MIDN: variants seen among roughly 807,000 people sequenced by gnomAD.
MIDN encodes midnolin.
Under a neutral mutation model 46.1 loss-of-function variants are expected in MIDN, and 26 were observed. The observed-to-expected ratio is 0.56, with a 90% CI of 0.41 to 0.78. The LOEUF is 0.78. MIDN is among the 30% of genes least tolerant of loss of function. MIDN has a pLI of 0.00. For synonymous variants in MIDN, 432 were observed against 343.3 expected (o/e 1.26, Z -2.86); for missense variants, 850 against 771.8 (o/e 1.10, Z -1.20).
At chr19:1,253,037 G>T (rs970791623) in intron 4 of MIDN, among the ~76,000 whole-genome samples, 7 of 146,542 alleles carry the variant, frequency 4.8e-5, no homozygotes, top group Non-Finnish European at 9.1e-5. Flanking sequence ...GCTGGGTTGG[G>T]GGGGGCTGGA....
chr19:1,250,975 T>A (rs2145485794), intron 2 of MIDN, among the ~76,000 whole-genome samples: 1 of 151,508 alleles, frequency 6.6e-6, no homozygotes, highest in South Asian at 2.1e-4. Context: ...CCCTGGTATT[T>A]AAATCGCCTG....
In MIDN at chr19:1,255,710, C is replaced by T. The variant is rs369475961; in HGVS notation, c.1258+16C>T. 2.5e-5 allele frequency: 39 copies of T among 1,545,824 alleles called. No homozygotes were observed. Among genetic ancestry groups the T allele is most frequent in the South Asian group, 1.1e-4 (9 of 83,156 alleles). On this transcript the variant is annotated intron_variant, in intron 8 of 8. Coordinates refer to ENST00000682408, the MANE Select transcript of MIDN (RefSeq NM_001388306.1). Reference sequence around the variant, plus strand: ...AAGCCCCCGGGTGAGTGGCCACCCTCGGGGGTCCTACCTTCCCCGCCCGCC... The same window carrying T: ...AAGCCCCCGGGTGAGTGGCCACCCTTGGGGGTCCTACCTTCCCCGCCCGCC...
In MIDN at chr19:1,257,350, T is replaced by TGGC; in HGVS notation, c.*79_*81dup. ...GACTCCGAGAGCCCCGGAGAGAACG[T>TGGC]GGCCCAGCCCTGGAGGGCAGGCGGC... On this transcript the variant is annotated 3_prime_UTR_variant, in exon 9 of 9. Transcript: ENST00000682408. 7.7e-7 allele frequency: 1 copy of TGGC among 1,303,082 alleles called. No individual in the cohort carries two copies. The highest frequency in any genetic ancestry group is 1.1e-6 in the Non-Finnish European group (1 of 918,232). 80.7% of individuals were successfully genotyped at this position (1,303,082 alleles called of 1,614,324 possible).
chr19:1,249,339 G>T (rs1185677477), intron 1 of MIDN, among the ~76,000 whole-genome samples: 1 of 149,940 alleles, frequency 6.7e-6, no homozygotes, highest in Admixed American at 6.6e-5. Context: ...TCGCCCGCCC[G>T]CCCCGGGACC....
At chr19:1,253,825 T>C in intron 4 of MIDN, 129 bp from the exon 5 acceptor site, 1 of 671,954 alleles carries the variant, frequency 1.5e-6, no homozygotes. Context: ...AAAGGCAAAG[T>C]GAAGGTTGTT....
chr19:1,251,987 C>A, intron 4 of MIDN, 86 bp downstream of exon 4: 2 of 1,211,482 alleles, frequency 1.7e-6, no homozygotes, highest in Non-Finnish European at 2.4e-6. Context: ...GTTGTCTGTG[C>A]TCCCAGGAGG....
At chr19:1,249,219 C>T (rs925832200) in intron 1 of MIDN, among the ~76,000 whole-genome samples, 9 of 148,178 alleles carry the variant, frequency 6.1e-5, no homozygotes, top group African/African-American at 2.0e-4. Context: ...GCGCGGGGCC[C>T]CCGGCGGCAG....
chr19:1,254,788 C>T, intron 6 of MIDN, 114 bp from the exon 7 acceptor site: 3 of 1,254,592 alleles, frequency 2.4e-6, no homozygotes, highest in South Asian at 1.4e-5. Context: ...ATCTCTAAAC[C>T]CTGTGTTGAC....
chr19:1,254,851 G>T, intron 6 of MIDN, 51 bp from the exon 7 acceptor site: 1 of 1,550,788 alleles, frequency 6.4e-7, no homozygotes, highest in Non-Finnish European at 8.7e-7. Context: ...TGGGTTGCTG[G>T]TGATCCCCTG....
At position 1,258,071 on chromosome 19, in the gene MIDN, G is replaced by C. The variant is rs760013596; in HGVS notation, c.*799G>C. ...GCCTGCCCTCCGCCCCGCCCCAGCC[G>C]GCGGACTGTGCTGTTTCCTCCGCCC... On this transcript the variant is annotated 3_prime_UTR_variant, in exon 9 of 9. Coordinates refer to ENST00000682408, the MANE Select transcript of MIDN (RefSeq NM_001388306.1). The C allele has an allele frequency of 7.2e-5, 11 of 152,630 alleles. No individual in the cohort carries two copies. The highest frequency in any genetic ancestry group is 7.2e-4 in the Admixed American group (11 of 15,294). 9.5% of individuals were successfully genotyped at this position (152,630 alleles called of 1,614,324 possible). A position where few individuals can be genotyped will look rare whatever the true frequency, so the allele number is the denominator to read the frequency against.
Position 1,254,163 on chromosome 19 carries a change from G to A in MIDN, c.514-4G>A. The A allele has an allele frequency of 1.3e-6, 2 of 1,592,282 alleles. No homozygotes were observed. Among genetic ancestry groups the A allele is most frequent in the Non-Finnish European group, 1.7e-6 (2 of 1,174,882 alleles). ...TCCCAGCTGACGGACCGCTCTCCTT[G>A]CAGGTCAGTGACTTCCTGTCGGGCC... On this transcript the variant is annotated splice_polypyrimidine_tract_variant and splice_region_variant and intron_variant, in intron 5 of 8. Transcript: ENST00000682408.
At chr19:1,249,111 C>G (rs2081089805) in intron 1 of MIDN, among the ~76,000 whole-genome samples, 1 of 151,306 alleles carries the variant, frequency 6.6e-6, no homozygotes, top group Non-Finnish European at 1.5e-5. Context: ...ACCGCATCCC[C>G]GAGCGCGCGC....
chr19:1,250,431 G>C lies in MIDN; in HGVS notation c.135G>C (p.Leu45=), dbSNP rs751948279. 1 of 1,378,354 alleles carries C rather than the reference G, an allele frequency of 7.3e-7. No homozygotes were observed. The highest frequency in any genetic ancestry group is 1.5e-5 in the South Asian group (1 of 66,766). 85.4% of individuals were successfully genotyped at this position (1,378,354 alleles called of 1,614,324 possible). ...GCACCACGGGCACCCGCTACGACCT[G>C]GCCGTGCCGCCCGACGAGACGGTGG... ...IHSTTGTRYD[L]AVPPDETVEG... Residue 45 remains leucine, a synonymous_variant, in exon 2 of 9, where the codon CTG becomes CTC. Transcript: ENST00000682408.
intron 8 of MIDN, 63 bp from the exon 9 acceptor site, chr19:1,256,932 G>T: frequency 5.0e-6 from 8 of 1,594,448 alleles, no homozygotes; most frequent in Non-Finnish European, 6.8e-6. Flanking sequence ...TGGGGTCTGG[G>T]GTGGTCCTCT....
rs1286925227 is a variant in MIDN at position 1,249,933 on chromosome 19, C to T, written c.-364C>T. The T allele has an allele frequency of 6.6e-6, 1 of 151,954 alleles. No individual in the cohort carries two copies. The highest frequency in any genetic ancestry group is 1.5e-5 in the Non-Finnish European group (1 of 67,954). The allele number at this position is 151,954 out of a possible 1,614,324, so 9.4% of individuals were successfully genotyped here. On this transcript the variant is annotated 5_prime_UTR_variant, in exon 2 of 9. Coordinates refer to ENST00000682408, the MANE Select transcript of MIDN (RefSeq NM_001388306.1). ...ACGGCTGTTGCTAAGGGAGGGGACG[C>T]GCGAGGAAGCGCGACCCGGGCGGCA... is the stretch of plus-strand genomic sequence containing the variant.
rs781569306 is a variant in MIDN, at chr19:1,254,437, G to T, written c.784G>T (p.Gly262Cys). ...SPASPSPITA[G>C]SFRSHAASTT... is the part of the protein sequence containing the mutation. ...TGCATCTCCCTCGCCCATCACAGCC[G>T]GCTCCTTCCGGTCCCACGCAGCCTC... The change falls in exon 6 of 9, where the codon GGC becomes TGC. Residue 262 changes from glycine to cysteine, a missense_variant. By Grantham distance (159) the Gly-to-Cys change is radical. Coordinates refer to ENST00000682408, the MANE Select transcript of MIDN (RefSeq NM_001388306.1). The T allele has an allele frequency of 6.4e-7, 1 of 1,565,008 alleles. No homozygotes were observed. The highest frequency in any genetic ancestry group is 1.8e-5 in the Admixed American group (1 of 55,996).
At chr19:1,253,155 G>T (rs2081153794) in intron 4 of MIDN, among the ~76,000 whole-genome samples, 1 of 152,006 alleles carries the variant, frequency 6.6e-6, no homozygotes, top group South Asian at 2.1e-4. Context: ...AGGGCGGGTG[G>T]TGGTGGGGAC....
intron 2 of MIDN, among the ~76,000 whole-genome samples, chr19:1,251,105 C>A (rs964787761): frequency 6.6e-6 from 1 of 152,038 alleles, no homozygotes; most frequent in East Asian, 1.9e-4. Flanking sequence ...GCGGCGGCCG[C>A]CTGCGCCGGG....
At chr19:1,252,270 G>C (rs1392663635) in intron 4 of MIDN, among the ~76,000 whole-genome samples, 6 of 152,280 alleles carry the variant, frequency 3.9e-5, no homozygotes. Context: ...TCCCCAGAGC[G>C]AGTTTCTCCT....
Sources: allele counts gnomAD v4.1 joint callset (sites outside exome capture counted in the v4.1 genomes callset), GRCh38; gene constraint gnomAD v4.1.1; transcripts MANE v1.5; gene names NCBI Gene and HGNC (gene_info 2026-07-23, HGNC 2026-07-21).